MEI1: variants seen among roughly 807,000 people sequenced by gnomAD.
MEI1 encodes the protein meiosis inhibitor protein 1.
MEI1 carries 103 observed loss-of-function variants against 146.2 expected under a neutral mutation model. The ratio of observed to expected loss-of-function variants is 0.70; its 90% CI spans 0.60 to 0.83. The LOEUF (loss-of-function observed/expected upper bound fraction) is 0.83, where lower values mean the gene tolerates loss of function less well. MEI1 is among the 40% of genes least tolerant of loss of function. The probability of loss-of-function intolerance (pLI) is 0.00; values close to 1 mark genes in which losing one functional copy is unlikely to be tolerated. For synonymous variants in MEI1, 652 were observed against 628.2 expected (o/e 1.04, Z -0.57); for missense variants, 1,529 against 1,533.0 (o/e 1.00, Z 0.04).
At position 41,776,217 on chromosome 22, in the gene MEI1, T is replaced by TGCTGATCC; in HGVS notation, c.2661_2668dup (p.Leu890ArgfsTer2). On this transcript the variant is annotated frameshift_variant, in exon 21 of 31. Coordinates refer to ENST00000401548, the MANE Select transcript of MEI1 (RefSeq NM_152513.4). LOFTEE classifies it high-confidence loss of function. ...GGCGGTCTTATCCGAGGCCACTTCCTGCTGATCCTGCAGCGTCTGCTAGTG... is the reference window on the plus strand; with the variant it reads ...GGCGGTCTTATCCGAGGCCACTTCCTGCTGATCCGCTGATCCTGCAGCGTCTGCTAGTG... 2.5e-6 allele frequency: 4 copies of TGCTGATCC among 1,613,986 alleles called. No individual in the cohort carries two copies. Among genetic ancestry groups the TGCTGATCC allele is most frequent in the Non-Finnish European group, 3.4e-6 (4 of 1,179,880 alleles).
rs561607990 is a variant in MEI1 at position 41,746,568 on chromosome 22, T to G, written c.1680+542T>G. On this transcript the variant is annotated intron_variant, in intron 14 of 30. Coordinates refer to ENST00000401548, the MANE Select transcript of MEI1 (RefSeq NM_152513.4). Reference sequence around the variant, plus strand: ...TGAAGAGAGACTTGATCCTTGATCCTGAAGAGCTTCATTTTGAGCTGACTT... The same window carrying G: ...TGAAGAGAGACTTGATCCTTGATCCGGAAGAGCTTCATTTTGAGCTGACTT... 1.0e-3 allele frequency among the ~76,000 whole-genome samples: 157 copies of G among 152,300 alleles called. 1 individual carries two copies. The Middle Eastern group carries it at 0.014, about 13-fold the overall frequency.
chr22:41,739,673 G>A (rs769812306), intron 11 of MEI1, among the ~76,000 whole-genome samples: 2 of 152,038 alleles, frequency 1.3e-5, no homozygotes, highest in Non-Finnish European at 2.9e-5. Context: ...GGAGGGATGA[G>A]TAAACCAACA....
chr22:41,734,110 A>G (rs1303088603), intron 11 of MEI1, among the ~76,000 whole-genome samples: 1 of 151,040 alleles, frequency 6.6e-6, no homozygotes, highest in African/African-American at 2.5e-5. Context: ...CCTGGGTAAC[A>G]GAGTGAAATT....
chr22:41,790,827 G>A (rs1325864136), intron 26 of MEI1, among the ~76,000 whole-genome samples: 1 of 152,064 alleles, frequency 6.6e-6, no homozygotes, highest in African/African-American at 2.4e-5. Flanking sequence ...TCCTGACCTT[G>A]TGATCCGCCC....
chr22:41,799,100 G>T (rs1354964922), intron 30 of MEI1, among the ~76,000 whole-genome samples, 154 bp from the exon 31 acceptor site: 1 of 152,140 alleles, frequency 6.6e-6, no homozygotes, highest in Non-Finnish European at 1.5e-5. Flanking sequence ...CCTAGCCCAG[G>T]TGTTCAGGAC....
intron 20 of MEI1, among the ~76,000 whole-genome samples, chr22:41,773,989 A>C (rs894442287): frequency 6.6e-6 from 1 of 152,216 alleles, no homozygotes; most frequent in Non-Finnish European, 1.5e-5. Context: ...AAGAGTCTAA[A>C]AATTTTGTGT....
intron 3 of MEI1, among the ~76,000 whole-genome samples, chr22:41,710,471 C>T (rs994321500): frequency 2.6e-5 from 4 of 152,152 alleles, no homozygotes; most frequent in African/African-American, 4.8e-5. Flanking sequence ...AAGACAGCAC[C>T]GAATGTTGAT....
chr22:41,798,845 C>G (rs1170430915), intron 30 of MEI1, among the ~76,000 whole-genome samples: 5 of 150,212 alleles, frequency 3.3e-5, no homozygotes, highest in East Asian at 4.0e-4. Flanking sequence ...ACTGCACACT[C>G]CAGCCTGGGT....
chr22:41,723,868 T>C lies in MEI1; in HGVS notation c.734-75T>C, dbSNP rs371093088. The C allele has an allele frequency of 2.2e-4, 328 of 1,502,302 alleles. 1 individual carries two copies. The African/African-American group carries it at 3.7e-3, about 17-fold the overall frequency. 93.1% of individuals were successfully genotyped at this position (1,502,302 alleles called of 1,614,324 possible). A position where few individuals can be genotyped will look rare whatever the true frequency, so the allele number is the denominator to read the frequency against. On this transcript the variant is annotated intron_variant, in intron 6 of 30. Coordinates refer to ENST00000401548, the MANE Select transcript of MEI1 (RefSeq NM_152513.4). ...GGATGAAGAAGTTTCTCTGGGGATG[T>C]CTGAGGGGCTATCTTGGGAGTACTC...
At chr22:41,745,816 C>T (rs1019496354) in intron 13 of MEI1, 69 bp from the exon 14 acceptor site, 3 of 1,472,180 alleles carry the variant, frequency 2.0e-6, no homozygotes, top group South Asian at 1.4e-5. Context: ...CCGCCACCCC[C>T]CAGGAAGCTG....
intron 17 of MEI1, among the ~76,000 whole-genome samples, chr22:41,754,304 T>G (rs1043027940): frequency 6.6e-6 from 1 of 152,216 alleles, no homozygotes; most frequent in Non-Finnish European, 1.5e-5. Flanking sequence ...CAGTTCCTTC[T>G]TCCTGACAGT....
At chr22:41,733,061 G>A (rs1367708708) in intron 11 of MEI1, among the ~76,000 whole-genome samples, 2 of 152,026 alleles carry the variant, frequency 1.3e-5, no homozygotes, top group African/African-American at 4.8e-5. Context: ...GATTACAGGC[G>A]TGAGCCACCG....
intron 20 of MEI1, among the ~76,000 whole-genome samples, chr22:41,773,865 A>G (rs1431824195): frequency 2.6e-5 from 4 of 152,210 alleles, no homozygotes; most frequent in Non-Finnish European, 5.9e-5. Context: ...ACAGAGCTAG[A>G]CTTCGTCTCA....
chr22:41,776,015 GC>G, intron 20 of MEI1, 86 bp from the exon 21 acceptor site: 1 of 1,344,206 alleles, frequency 7.4e-7, no homozygotes, highest in Non-Finnish European at 1.0e-6. Flanking sequence ...ATAATTATGG[GC>G]CCTTTTCCTG....
At chr22:41,715,496 C>T (rs2070047503) in intron 4 of MEI1, among the ~76,000 whole-genome samples, 1 of 151,430 alleles carries the variant, frequency 6.6e-6, no homozygotes, top group Non-Finnish European at 1.5e-5. Flanking sequence ...CCCGGGTTCA[C>T]GCCATTCTCC....
At chr22:41,798,713 C>T (rs2076464826) in intron 30 of MEI1, among the ~76,000 whole-genome samples, 1 of 151,632 alleles carries the variant, frequency 6.6e-6, no homozygotes, top group African/African-American at 2.4e-5. Context: ...ACTAAAAATA[C>T]AAAAATTAGC....
intron 24 of MEI1, 71 bp downstream of exon 24, chr22:41,781,916 T>C (rs1196460992): frequency 6.4e-7 from 1 of 1,555,488 alleles, no homozygotes; most frequent in East Asian, 2.3e-5. Context: ...TCCTGAGTTC[T>C]GGTCCCAGCT....
intron 25 of MEI1, 53 bp from the exon 26 acceptor site, chr22:41,784,551 CTGGG>C: frequency 6.3e-7 from 1 of 1,598,630 alleles, no homozygotes; most frequent in Non-Finnish European, 8.5e-7. Context: ...TGTGACAGAG[CTGGG>C]TGGGAGGTGG....
intron 11 of MEI1, among the ~76,000 whole-genome samples, chr22:41,737,276 G>A (rs1270251887): frequency 5.3e-5 from 8 of 150,030 alleles, no homozygotes; most frequent in Non-Finnish European, 1.0e-4. Context: ...TTGCTCTGTC[G>A]CCCAGGCTGG....
Sources: allele counts gnomAD v4.1 joint callset (sites outside exome capture counted in the v4.1 genomes callset), GRCh38; gene constraint gnomAD v4.1.1; transcripts MANE v1.5; gene names NCBI Gene and HGNC (gene_info 2026-07-23, HGNC 2026-07-21).